GAB2: variants seen among roughly 807,000 people sequenced by gnomAD.
The protein encoded by GAB2 is GRB2 associated binding protein 2.
Under a neutral mutation model 65.5 loss-of-function variants are expected in GAB2, and 26 were observed. The ratio of observed to expected loss-of-function variants is 0.40; its 90% CI spans 0.29 to 0.55. The LOEUF is 0.55. Among genes scored for constraint, GAB2 ranks in the 20% least tolerant of loss-of-function variants. The pLI, the probability that GAB2 is intolerant of heterozygous loss-of-function variation, is 0.53. For missense variants in GAB2, 884 were observed against 875.8 expected, an observed-to-expected ratio of 1.01 and a Z score of -0.12; for synonymous variants, 321 against 329.6, an observed-to-expected ratio of 0.97 and a Z score of 0.28.
Position 78,225,126 on chromosome 11 carries a change from A to G in GAB2, c.1284T>C (p.Asp428=), listed in dbSNP as rs777951075. 1.1e-5 allele frequency: 18 copies of G among 1,612,660 alleles called. No individual in the cohort carries two copies. The highest frequency in any genetic ancestry group is 1.4e-5 in the Non-Finnish European group (17 of 1,178,648). Residue 428 remains aspartate, a synonymous_variant, in exon 5 of 10, where the codon GAT becomes GAC. Transcript: ENST00000361507. ...SAGRSAESMS[D]GVGSFLPGKM... ...CACTCACCAGGAAAGAGCCAACTCCATCACTCATGGATTCAGCAGACCGGC... is the reference window on the plus strand; with the variant it reads ...CACTCACCAGGAAAGAGCCAACTCCGTCACTCATGGATTCAGCAGACCGGC...
chr11:78,294,162 T>C (rs1241812288), intron 1 of GAB2, among the ~76,000 whole-genome samples: 1 of 152,190 alleles, frequency 6.6e-6, no homozygotes, highest in Non-Finnish European at 1.5e-5. Flanking sequence ...AGTGAGAACA[T>C]GCGGTGTTTG....
intron 3 of GAB2, among the ~76,000 whole-genome samples, chr11:78,232,568 G>A (rs1460890349): frequency 6.6e-6 from 1 of 152,228 alleles, no homozygotes; most frequent in Non-Finnish European, 1.5e-5. Flanking sequence ...TTTTAGCTCA[G>A]TGGAAGACCT....
chr11:78,402,425 TA>T (rs201227183), intron 1 of GAB2, among the ~76,000 whole-genome samples: 36 of 152,110 alleles, frequency 2.4e-4, no homozygotes, highest in South Asian at 1.7e-3. Context: ...CATTTTTGTT[TA>T]AAAAAAATTT....
intron 1 of GAB2, among the ~76,000 whole-genome samples, chr11:78,295,144 A>G (rs905123677): frequency 6.6e-6 from 1 of 152,254 alleles, no homozygotes; most frequent in Non-Finnish European, 1.5e-5. Flanking sequence ...AATGCTCATC[A>G]TCACTGGCCA....
intron 1 of GAB2, among the ~76,000 whole-genome samples, chr11:78,347,461 G>C (rs1325798324): frequency 1.3e-5 from 2 of 152,146 alleles, no homozygotes; most frequent in Admixed American, 1.3e-4. Flanking sequence ...AGCCTTGGTT[G>C]TACGATTTGA....
At chr11:78,232,734 T>G (rs949708459) in intron 3 of GAB2, among the ~76,000 whole-genome samples, 3 of 152,152 alleles carry the variant, frequency 2.0e-5, no homozygotes, top group Admixed American at 6.5e-5. Flanking sequence ...ACAATCAGGT[T>G]CCCACATAAA....
intron 1 of GAB2, among the ~76,000 whole-genome samples, chr11:78,385,340 A>T (rs921498825): frequency 2.0e-5 from 3 of 152,250 alleles, no homozygotes; most frequent in Non-Finnish European, 4.4e-5. Context: ...GAGTTAGCTC[A>T]GATCTTATTA....
At chr11:78,312,098 A>C (rs1024000815) in intron 1 of GAB2, among the ~76,000 whole-genome samples, 1 of 151,968 alleles carries the variant, frequency 6.6e-6, no homozygotes, top group Non-Finnish European at 1.5e-5. Context: ...GCAGCACATT[A>C]CATAAGATGC....
intron 1 of GAB2, among the ~76,000 whole-genome samples, chr11:78,398,160 A>G (rs1856925909): frequency 6.6e-6 from 1 of 152,242 alleles, no homozygotes; most frequent in African/African-American, 2.4e-5. Flanking sequence ...TGCTCTTGCA[A>G]GTCAGCAGAA....
intron 3 of GAB2, among the ~76,000 whole-genome samples, chr11:78,246,184 G>T (rs535470489): frequency 6.6e-6 from 1 of 151,830 alleles, no homozygotes; most frequent in Admixed American, 6.6e-5. Context: ...CACCTGCCTC[G>T]GGCTCCCAAA....
At chr11:78,415,856 T>C (rs1857188334) in intron 1 of GAB2, among the ~76,000 whole-genome samples, 1 of 152,124 alleles carries the variant, frequency 6.6e-6, no homozygotes, top group Admixed American at 6.5e-5. Flanking sequence ...GTAGATACAG[T>C]GTCATACTGT....
At chr11:78,244,634 G>A (rs1232227017) in intron 3 of GAB2, among the ~76,000 whole-genome samples, 2 of 65,914 alleles carry the variant, frequency 3.0e-5, no homozygotes, top group Non-Finnish European at 5.8e-5. Flanking sequence ...TCTTTCAAAC[G>A]AAGACAGAAA....
intron 1 of GAB2, among the ~76,000 whole-genome samples, chr11:78,282,024 G>A (rs1866349167): frequency 6.6e-6 from 1 of 152,130 alleles, no homozygotes; most frequent in Admixed American, 6.5e-5. Context: ...CTAAAAACAT[G>A]TAACCTCAGG....
At chr11:78,339,936 T>C (rs1047679665) in intron 1 of GAB2, among the ~76,000 whole-genome samples, 1 of 152,236 alleles carries the variant, frequency 6.6e-6, no homozygotes, top group African/African-American at 2.4e-5. Context: ...CTCCAATGAA[T>C]GAATCCTTCC....
chr11:78,230,706 G>T (rs913292814), intron 3 of GAB2, among the ~76,000 whole-genome samples: 7 of 152,238 alleles, frequency 4.6e-5, no homozygotes, highest in African/African-American at 1.7e-4. Context: ...AACCAAGTAA[G>T]AGGAGTTGAA....
intron 1 of GAB2, among the ~76,000 whole-genome samples, chr11:78,346,717 ATAT>A (rs1488708384): frequency 2.5e-5 from 1 of 40,110 alleles, no homozygotes; most frequent in Non-Finnish European, 5.1e-5. Flanking sequence ...ATATATATAT[ATAT>A]AATTTTTTTT....
chr11:78,389,803 C>T (rs1055469609), intron 1 of GAB2, among the ~76,000 whole-genome samples: 1 of 152,198 alleles, frequency 6.6e-6, no homozygotes, highest in African/African-American at 2.4e-5. Context: ...ACCACCCCTG[C>T]CAGTCAAATC....
chr11:78,322,080 G>A (rs545600746), intron 1 of GAB2, among the ~76,000 whole-genome samples: 14 of 151,750 alleles, frequency 9.2e-5, no homozygotes, highest in Non-Finnish European at 1.8e-4. Context: ...CGAGGTGGGC[G>A]GGTCACCTGA....
At chr11:78,268,586 T>A (rs1057302239) in intron 2 of GAB2, among the ~76,000 whole-genome samples, 2 of 152,126 alleles carry the variant, frequency 1.3e-5, no homozygotes, top group African/African-American at 4.8e-5. Context: ...AGGGGGGATC[T>A]TATGAGATGT....
Sources: gnomAD v4.1 joint callset for allele counts (sites outside exome capture counted in the v4.1 genomes callset) on GRCh38, gnomAD v4.1.1 for gene constraint, MANE v1.5 for transcripts, NCBI Gene and HGNC (gene_info 2026-07-23, HGNC 2026-07-21) for gene names.